Variants in CFAP70 observed in about 807,000 individuals in gnomAD.
CFAP70 encodes cilia- and flagella-associated protein 70.
A neutral mutation model predicts 137.6 loss-of-function variants in CFAP70; 81 were observed. The observed-to-expected ratio is 0.59, with a 90% confidence interval of 0.49 to 0.71. CFAP70 has a LOEUF of 0.71. Among genes scored for constraint, CFAP70 ranks in the 30% least tolerant of loss-of-function variants. CFAP70 has a pLI of 0.00. For missense variants in CFAP70, 976 were observed against 1,226.7 expected, an observed-to-expected ratio of 0.80 and a Z score of 3.05; for synonymous variants, 382 against 423.6, an observed-to-expected ratio of 0.90 and a Z score of 1.20.
chr10:73,298,866 C>T, intron 14 of CFAP70, 41 bp downstream of exon 15: 1 of 1,572,272 alleles, frequency 6.4e-7, no homozygotes, highest in Non-Finnish European at 8.7e-7. Context: ...GAACTTGCTC[C>T]ATAAACACCC....
intron 9 of CFAP70, among the ~76,000 whole-genome samples, chr10:73,322,419 T>C (rs1217352388): frequency 1.3e-5 from 2 of 152,144 alleles, no homozygotes; most frequent in African/African-American, 2.4e-5. Context: ...TTTTAAAAAA[T>C]GTTTTTAAAT....
At chr10:73,296,575 GA>G (rs1418278640) in intron 15 of CFAP70, 3 of 152,674 alleles carry the variant, frequency 2.0e-5, no homozygotes, top group Non-Finnish European at 4.4e-5. Context: ...AATATAAACA[GA>G]AAAGTGGGTG....
intron 16 of CFAP70, among the ~76,000 whole-genome samples, chr10:73,292,980 C>G (rs2048283872): frequency 6.6e-6 from 1 of 152,018 alleles, no homozygotes; most frequent in Admixed American, 6.6e-5. Context: ...GATATATGTT[C>G]CATTTGGAGT....
chr10:73,306,300 A>T (rs1400506910), intron 12 of CFAP70, among the ~76,000 whole-genome samples: 1 of 152,172 alleles, frequency 6.6e-6, no homozygotes, highest in East Asian at 1.9e-4. Context: ...TAATGGCCCA[A>T]AACTTCCCAA....
chr10:73,353,428 G>A (rs1338950888), intron 3 of CFAP70, 128 bp downstream of exon 3: 2 of 867,550 alleles, frequency 2.3e-6, no homozygotes, highest in Admixed American at 5.4e-5. Context: ...GGGAACAAAG[G>A]AACTGTCCTT....
At chr10:73,328,490 G>A (rs2051709758) in intron 8 of CFAP70, among the ~76,000 whole-genome samples, 2 of 149,112 alleles carry the variant, frequency 1.3e-5, no homozygotes, top group African/African-American at 2.5e-5. Flanking sequence ...TTGACAAATG[G>A]GATCTAATTA....
upstream of CFAP70, among the ~76,000 whole-genome samples, chr10:73,359,781 T>A (rs1189718616): frequency 6.6e-6 from 1 of 152,032 alleles, no homozygotes; most frequent in Non-Finnish European, 1.5e-5. Flanking sequence ...GGAATACTAC[T>A]TGATTACAGA....
At chr10:73,339,709 T>C (rs1038910835) in intron 6 of CFAP70, among the ~76,000 whole-genome samples, 2 of 152,230 alleles carry the variant, frequency 1.3e-5, no homozygotes, top group Admixed American at 6.5e-5. Flanking sequence ...GCCAGCTCCC[T>C]GCGAGGCTGT....
intron 8 of CFAP70, among the ~76,000 whole-genome samples, chr10:73,328,864 A>G (rs2051759611): frequency 6.6e-6 from 1 of 150,620 alleles, no homozygotes; most frequent in Non-Finnish European, 1.5e-5. Flanking sequence ...GGATGTGGAG[A>G]AATAGGAACA....
At chr10:73,303,186 C>T (rs1363611369) in intron 12 of CFAP70, among the ~76,000 whole-genome samples, 18 of 152,018 alleles carry the variant, frequency 1.2e-4, no homozygotes, top group Admixed American at 4.6e-4. Flanking sequence ...TGTGAACCAC[C>T]ATACCCAGCC....
chr10:73,334,122 T>C (rs753623411), intron 7 of CFAP70, among the ~76,000 whole-genome samples: 16 of 152,216 alleles, frequency 1.1e-4, no homozygotes, highest in Non-Finnish European at 1.8e-4. Context: ...TCATATTGTA[T>C]ATATATTGGT....
intron 3 of CFAP70, among the ~76,000 whole-genome samples, chr10:73,350,245 ATTTG>A: frequency 6.6e-6 from 1 of 152,244 alleles, no homozygotes; most frequent in South Asian, 2.1e-4. Context: ...ATAGTATTTA[ATTTG>A]TTTCTCAATT....
At chr10:73,353,726 T>C in exon 3 of CFAP70, 2 of 1,614,108 alleles carry the variant, frequency 1.2e-6, no homozygotes, top group Non-Finnish European at 1.7e-6. Context: ...AACTGGAGTA[T>C]CTCCTTTAAA....
intron 8 of CFAP70, among the ~76,000 whole-genome samples, chr10:73,330,952 A>G (rs552939291): frequency 3.3e-4 from 50 of 152,332 alleles, no homozygotes; most frequent in African/African-American, 1.2e-3. Flanking sequence ...ACGGGGAACT[A>G]GGGTGGTCAA....
rs369271531 is a variant in CFAP70, at chr10:73,323,110, A to G, written c.778-13T>C. On this transcript the variant is annotated splice_polypyrimidine_tract_variant and intron_variant, in intron 8 of 26. Coordinates refer to ENST00000310715, the Ensembl canonical transcript of CFAP70. ...CTTCTTCATCAGTCTAAAGGAATAA[A>G]ACCAGAGAGTTGTTAGTGCTATAAG... is the stretch of plus-strand genomic sequence containing the variant. The G allele has an allele frequency of 2.9e-4, 465 of 1,603,588 alleles. No homozygotes were observed. Among genetic ancestry groups the G allele is most frequent in the Non-Finnish European group, 3.7e-4 (440 of 1,176,514 alleles).
intron 4 of CFAP70, among the ~76,000 whole-genome samples, chr10:73,345,801 A>G (rs1460400659): frequency 6.6e-6 from 1 of 152,202 alleles, no homozygotes; most frequent in Non-Finnish European, 1.5e-5. Flanking sequence ...CCATCTCAAA[A>G]AAAACAAAAG....
chr10:73,262,984 C>A (rs1396721340), intron 25 of CFAP70, among the ~76,000 whole-genome samples: 1 of 152,142 alleles, frequency 6.6e-6, no homozygotes, highest in Non-Finnish European at 1.5e-5. Context: ...TCCTCTATAA[C>A]CACAGTACAA....
intron 1 of CFAP70, among the ~76,000 whole-genome samples, chr10:73,356,139 CACAA>C (rs1386100139): frequency 6.6e-6 from 1 of 151,832 alleles, no homozygotes; most frequent in African/African-American, 2.4e-5. Flanking sequence ...ATACTAAGGG[CACAA>C]ACAATTTCGA....
At chr10:73,254,282 ACG>A in intron 26 of CFAP70, 1 of 359,886 alleles carries the variant, frequency 2.8e-6, no homozygotes, top group Non-Finnish European at 5.0e-6. Flanking sequence ...AGCACTATGC[ACG>A]GTCATGATTT....
Sources: allele counts gnomAD v4.1 joint callset (sites outside exome capture counted in the v4.1 genomes callset), GRCh38; gene constraint gnomAD v4.1.1; transcripts MANE v1.5; gene names NCBI Gene and HGNC (gene_info 2026-07-23, HGNC 2026-07-21).